TTC23: variants seen among roughly 807,000 people sequenced by gnomAD.
TTC23 encodes the protein tetratricopeptide repeat protein 23.
TTC23 carries 58 observed loss-of-function variants against 55.1 expected under a neutral mutation model. The ratio of observed to expected loss-of-function variants is 1.05; its 90% confidence interval spans 0.85 to 1.31. The LOEUF is 1.31. TTC23 is among the 50% of genes most tolerant of loss of function. TTC23 has a pLI of 0.00. For missense variants in TTC23, 516 were observed against 534.4 expected (o/e 0.97, Z 0.34); for synonymous variants, 203 against 199.9 (o/e 1.02, Z -0.13).
In TTC23 at chr15:99,161,866, A is replaced by C. The variant is rs761023267; in HGVS notation, c.867T>G (p.Asp289Glu). 6.3e-7 allele frequency: 1 copy of C among 1,593,488 alleles called. No homozygotes were observed. Among genetic ancestry groups the C allele is most frequent in the Non-Finnish European group, 8.5e-7 (1 of 1,174,444 alleles). ...TCTCTTGAAAATACTGCTCAGCTAC[A>C]TCTGAAGAAAAGCATTTATCATAAC... ...AVASGRHEHH[D>E]VAEQYFQESM... is the part of the protein sequence containing the mutation. The change falls in exon 11 of 14, where the codon GAT (aspartate) becomes GAG (glutamate). Residue 289 changes from aspartate (D) to glutamate (E), a missense_variant and splice_region_variant. Coordinates refer to ENST00000394132, the MANE Select transcript of TTC23 (RefSeq NM_001288615.3).
intron 3 of TTC23, among the ~76,000 whole-genome samples, chr15:99,240,923 T>C (rs1044273190): frequency 1.3e-5 from 2 of 152,222 alleles, no homozygotes; most frequent in Non-Finnish European, 2.9e-5. Flanking sequence ...GGAGGTATGC[T>C]ACCTGTCTGG....
At chr15:99,172,132 C>T (rs1301898901) in intron 10 of TTC23, among the ~76,000 whole-genome samples, 3 of 152,016 alleles carry the variant, frequency 2.0e-5, no homozygotes, top group African/African-American at 7.2e-5. Context: ...ACTCTCATGC[C>T]TCAGCCTCCC....
rs149042150 is a variant in TTC23 at position 99,209,159 on chromosome 15, C to G, written c.582-9063G>C. Among the ~76,000 whole-genome samples the G allele has an allele frequency of 8.1e-3, 1,227 of 152,258 alleles. 17 individuals are homozygous for G. Among genetic ancestry groups the G allele is most frequent in the African/African-American group, 0.028 (1,176 of 41,546 alleles). On this transcript the variant is annotated intron_variant, in intron 8 of 13. Coordinates refer to ENST00000394132, the MANE Select transcript of TTC23 (RefSeq NM_001288615.3). ...GTTTCAGATCTCATAGGGATGGAGA[C>G]TCGTTTTAACAAGCAATAAACAAAT...
intron 12 of TTC23, chr15:99,139,889 G>T: frequency 1.8e-6 from 1 of 554,734 alleles, no homozygotes; most frequent in Non-Finnish European, 2.7e-6. Context: ...ACTACCCAGG[G>T]CTGGCTTTGG....
intron 12 of TTC23, among the ~76,000 whole-genome samples, chr15:99,142,195 C>CT (rs1279859208): frequency 1.3e-5 from 2 of 152,162 alleles, no homozygotes; most frequent in African/African-American, 4.8e-5. Context: ...TTCCAGCACC[C>CT]TGCTTGGGTT....
At chr15:99,147,225 CTTTTT>C (rs58503901) in intron 12 of TTC23, among the ~76,000 whole-genome samples, 6 of 112,584 alleles carry the variant, frequency 5.3e-5, no homozygotes, top group African/African-American at 7.8e-5. Flanking sequence ...AAATTCATTC[CTTTTT>C]TTTTTTTTTT....
chr15:99,204,527 C>T (rs543568357), intron 8 of TTC23, among the ~76,000 whole-genome samples: 7 of 150,168 alleles, frequency 4.7e-5, no homozygotes, highest in East Asian at 2.0e-4. Flanking sequence ...TGGTTGCCTA[C>T]GTTTTTGAGG....
chr15:99,201,871 T>C (rs952108307), intron 8 of TTC23, among the ~76,000 whole-genome samples: 2 of 152,144 alleles, frequency 1.3e-5, no homozygotes, highest in Admixed American at 6.5e-5. Flanking sequence ...TTAGAACCTT[T>C]GGTGATAGAA....
At chr15:99,250,469 CAT>C (rs546462366), upstream of TTC23, among the ~76,000 whole-genome samples, 28 of 152,174 alleles carry the variant, frequency 1.8e-4, no homozygotes, top group Non-Finnish European at 3.2e-4. Context: ...CTCGCAAACT[CAT>C]AGACAGGCTT....
chr15:99,169,775 C>T (rs764535379), intron 10 of TTC23, among the ~76,000 whole-genome samples: 24 of 152,106 alleles, frequency 1.6e-4, no homozygotes, highest in Non-Finnish European at 2.6e-4. Context: ...CCAGTGGGGG[C>T]GGGGGAGATA....
At chr15:99,145,919 C>T (rs2068804707) in intron 12 of TTC23, among the ~76,000 whole-genome samples, 1 of 152,164 alleles carries the variant, frequency 6.6e-6, no homozygotes, top group Non-Finnish European at 1.5e-5. Flanking sequence ...CACAACTCCT[C>T]AGAGCGGACT....
upstream of TTC23, among the ~76,000 whole-genome samples, chr15:99,250,958 C>T (rs2080687394): frequency 6.6e-6 from 1 of 152,084 alleles, no homozygotes; most frequent in South Asian, 2.1e-4. Flanking sequence ...GCTGTTAGTC[C>T]CTGTGTCATG....
intron 10 of TTC23, among the ~76,000 whole-genome samples, chr15:99,164,734 G>C (rs1174133904): frequency 6.6e-6 from 1 of 152,136 alleles, no homozygotes; most frequent in Non-Finnish European, 1.5e-5. Context: ...GAATTGATTT[G>C]GATTTATTTT....
chr15:99,198,731 A>T (rs2075953238), intron 9 of TTC23, among the ~76,000 whole-genome samples: 1 of 152,244 alleles, frequency 6.6e-6, no homozygotes, highest in South Asian at 2.1e-4. Flanking sequence ...AAAAGAGACA[A>T]TCCAGATAAA....
At chr15:99,248,838 T>C (rs2152110570) in intron 1 of TTC23, among the ~76,000 whole-genome samples, 1 of 152,340 alleles carries the variant, frequency 6.6e-6, no homozygotes, top group South Asian at 2.1e-4. Context: ...ATATGATTGC[T>C]GGATTTTTTT....
intron 3 of TTC23, among the ~76,000 whole-genome samples, chr15:99,239,312 C>G (rs1182560121): frequency 6.6e-6 from 1 of 152,000 alleles, no homozygotes. Flanking sequence ...CAGTGAAAAC[C>G]CATCTCTACT....
intron 8 of TTC23, among the ~76,000 whole-genome samples, chr15:99,210,493 G>T (rs748999724): frequency 2.1e-4 from 32 of 152,174 alleles, no homozygotes; most frequent in Non-Finnish European, 2.8e-4. Context: ...AGTATTCTAG[G>T]CACATAGTGT....
chr15:99,213,744 T>C (rs1404670314), intron 8 of TTC23, among the ~76,000 whole-genome samples: 1 of 152,220 alleles, frequency 6.6e-6, no homozygotes, highest in Admixed American at 6.5e-5. Flanking sequence ...ATAGGAGTAG[T>C]TTTAATCATT....
At chr15:99,164,821 C>G (rs1003382833) in intron 10 of TTC23, among the ~76,000 whole-genome samples, 46 of 152,254 alleles carry the variant, frequency 3.0e-4, no homozygotes, top group Admixed American at 2.9e-3. Context: ...CTAGAACACA[C>G]GAGGATCAAA....
Sources: allele counts gnomAD v4.1 joint callset (sites outside exome capture counted in the v4.1 genomes callset), GRCh38; gene constraint gnomAD v4.1.1; transcripts MANE v1.5; gene names NCBI Gene and HGNC (gene_info 2026-07-23, HGNC 2026-07-21).